CEP290: variants seen among roughly 807,000 people sequenced by gnomAD.
CEP290 encodes centrosomal protein of 290 kDa.
A neutral mutation model predicts 344.9 loss-of-function variants in CEP290; 317 were observed. The ratio of observed to expected loss-of-function variants is 0.92; its 90% CI spans 0.84 to 1.01. The LOEUF (loss-of-function observed/expected upper bound fraction) is 1.01, where lower values mean the gene tolerates loss of function less well. Among genes scored for constraint, CEP290 ranks in the 50% least tolerant of loss-of-function variants. The probability of loss-of-function intolerance (pLI) is 0.00; values close to 1 mark genes in which losing one functional copy is unlikely to be tolerated. For synonymous variants in CEP290, 932 were observed against 895.8 expected (o/e 1.04, Z -0.72); for missense variants, 2,754 against 2,761.4 (o/e 1.00, Z 0.06).
chr12:88,084,080 C>A (rs2036392055), intron 35 of CEP290, 126 bp from the exon 36 acceptor site: 1 of 636,908 alleles, frequency 1.6e-6, no homozygotes, highest in Non-Finnish European at 2.7e-6. Context: ...AACAGTATCT[C>A]CATATATGTA....
chr12:88,127,099 A>AGACTCCAAAATTAT (rs56870248), intron 11 of CEP290, among the ~76,000 whole-genome samples: 1 of 152,248 alleles, frequency 6.6e-6, no homozygotes, highest in African/African-American at 2.4e-5. Context: ...TCAATAAAAG[A>AGACTCCAAAATTAT]TGAAATAATC....
chr12:88,089,096 T>C lies in CEP290; in HGVS notation c.3965A>G (p.Glu1322Gly). 6.5e-7 allele frequency: 1 copy of C among 1,548,106 alleles called. No homozygotes were observed. The highest frequency in any genetic ancestry group is 8.7e-7 in the Non-Finnish European group (1 of 1,151,954). The part of the protein sequence containing the change: ...RNMENKTLEM[E>G]LKLKGLEELI... ...CTCTTCCAGGCCCTTTAATTTTAATTCCATCTCCAATGTTTTGTTCTCCAT... is the reference window on the plus strand; with the variant it reads ...CTCTTCCAGGCCCTTTAATTTTAATCCCATCTCCAATGTTTTGTTCTCCAT... The change falls in exon 31 of 54, where the codon GAA (glutamate) becomes GGA (glycine). Residue 1322 changes from glutamate (E) to glycine (G), a missense_variant. By Grantham distance (98) the Glu-to-Gly change is moderately conservative (BLOSUM62 -2). Coordinates refer to ENST00000552810, the MANE Select transcript of CEP290 (RefSeq NM_025114.4).
chr12:88,125,798 T>C (rs944141694), intron 12 of CEP290, among the ~76,000 whole-genome samples: 1 of 152,108 alleles, frequency 6.6e-6, no homozygotes, highest in Admixed American at 6.6e-5. Context: ...TTATTCAGCA[T>C]ACACTTTTCA....
intron 48 of CEP290, 149 bp downstream of exon 48, chr12:88,059,749 T>G (rs1184944617): frequency 3.2e-6 from 2 of 626,494 alleles, no homozygotes; most frequent in East Asian, 6.4e-5. Flanking sequence ...CATGGTGGAA[T>G]GTGATGACAG....
intron 25 of CEP290, chr12:88,104,162 A>T (rs148331238): frequency 1.3e-5 from 2 of 152,224 alleles, no homozygotes; most frequent in African/African-American, 4.8e-5. Context: ...TTTATTAAAG[A>T]ATTTCTTGAT....
intron 16 of CEP290, 24 bp downstream of exon 16, chr12:88,118,619 T>C (rs1361022507): frequency 1.9e-6 from 3 of 1,611,082 alleles, no homozygotes; most frequent in Non-Finnish European, 8.5e-7. Flanking sequence ...GCCAAGAAAA[T>C]AATCAACTGA....
rs965522059 is a variant in CEP290, at chr12:88,125,370, C to T, written c.1066-1G>A. The T allele has an allele frequency of 1.6e-5, 20 of 1,270,726 alleles. No individual in the cohort carries two copies. The highest frequency in any genetic ancestry group is 2.0e-5 in the Non-Finnish European group (20 of 984,540). 78.7% of individuals were successfully genotyped at this position (1,270,726 alleles called of 1,614,324 possible). ...TTTGACTGTCTCGTTCCTGTATACC[C>T]TATAAAATATTTTAAAACAATATAT... On this transcript the variant is annotated splice_acceptor_variant, in intron 12 of 53. Coordinates refer to ENST00000552810, the MANE Select transcript of CEP290 (RefSeq NM_025114.4). LOFTEE classifies it high-confidence loss of function.
At chr12:88,075,989 G>A (rs896307669) in intron 41 of CEP290, among the ~76,000 whole-genome samples, 3 of 152,092 alleles carry the variant, frequency 2.0e-5, no homozygotes, top group African/African-American at 7.2e-5. Context: ...TAAATAAACT[G>A]TAGCATAGAA....
chr12:88,088,003 C>T lies in CEP290; in HGVS notation c.4030-59G>A, dbSNP rs186105924. 2.9e-3 allele frequency: 1,851 copies of T among 644,572 alleles called. 2 individuals are homozygous for T. The highest frequency in any genetic ancestry group is 3.7e-3 in the Non-Finnish European group (1,626 of 439,348). The allele number at this position is 644,572 out of a possible 1,614,324, so 39.9% of individuals were successfully genotyped here. A position where few individuals can be genotyped will look rare whatever the true frequency, so the allele number is the denominator to read the frequency against. On this transcript the variant is annotated intron_variant, in intron 31 of 53. Coordinates refer to ENST00000552810, the MANE Select transcript of CEP290 (RefSeq NM_025114.4). ...TGCTATATTAACAAATAACATTCCT[C>T]CATTGATGATAATGATTTTAATTGA... is the stretch of plus-strand genomic sequence containing the variant.
chr12:88,140,560 T>G (rs1472657344), intron 3 of CEP290, among the ~76,000 whole-genome samples: 4 of 152,210 alleles, frequency 2.6e-5, no homozygotes, highest in Non-Finnish European at 5.9e-5. Flanking sequence ...ATTCCCTTAC[T>G]ATCTTACCAC....
In CEP290 at chr12:88,049,145, T is replaced by TAATA. The variant is rs762289521; in HGVS notation, c.*35_*38dup. 2 of 1,231,592 alleles carry TAATA rather than the reference T, an allele frequency of 1.6e-6. No individual in the cohort carries two copies. Among genetic ancestry groups the TAATA allele is most frequent in the African/African-American group, 3.1e-5 (2 of 64,730 alleles). 76.3% of individuals were successfully genotyped at this position (1,231,592 alleles called of 1,614,324 possible). A position where few individuals can be genotyped will look rare whatever the true frequency, so the allele number is the denominator to read the frequency against. ...TCCAAGTATATTTAACTTATAAAGT[T>TAATA]AATAAATAGTTAAATGAAACAAAGT... On this transcript the variant is annotated 3_prime_UTR_variant, in exon 54 of 54. Coordinates refer to ENST00000552810, the MANE Select transcript of CEP290 (RefSeq NM_025114.4).
chr12:88,119,371 T>C (rs1453438501), intron 15 of CEP290, among the ~76,000 whole-genome samples: 2 of 152,126 alleles, frequency 1.3e-5, no homozygotes, highest in Non-Finnish European at 2.9e-5. Context: ...ATTAGTAATA[T>C]TAACTAATAG....
intron 6 of CEP290, among the ~76,000 whole-genome samples, chr12:88,133,133 T>C (rs1019680391): frequency 3.3e-5 from 5 of 149,792 alleles, no homozygotes; most frequent in Non-Finnish European, 7.4e-5. Context: ...TAGAGTCCAG[T>C]GGTGCGATCT....
chr12:88,140,242 C>T (rs867169130), intron 3 of CEP290, among the ~76,000 whole-genome samples: 2 of 152,054 alleles, frequency 1.3e-5, no homozygotes, highest in South Asian at 2.1e-4. Context: ...GTTTAAACTC[C>T]GCTATAATGT....
chr12:88,053,474 G>A (rs1383553859), intron 52 of CEP290, among the ~76,000 whole-genome samples, 178 bp downstream of exon 52: 3 of 148,986 alleles, frequency 2.0e-5, no homozygotes, highest in African/African-American at 7.4e-5. Flanking sequence ...ACAACACAAA[G>A]AGAAAAATGG....
At position 88,120,118 on chromosome 12, in the gene CEP290, A is replaced by G; in HGVS notation, c.1518T>C (p.Arg506=). 6.5e-7 allele frequency: 1 copy of G among 1,529,454 alleles called. No homozygotes were observed. The highest frequency in any genetic ancestry group is 1.4e-5 in the African/African-American group (1 of 72,500). The allele number at this position is 1,529,454 out of a possible 1,614,324, so 94.7% of individuals were successfully genotyped here. Residue 506 remains arginine (R), a synonymous_variant, in exon 15 of 54, where the codon CGT becomes CGC. Coordinates refer to ENST00000552810, the MANE Select transcript of CEP290 (RefSeq NM_025114.4). Reference sequence around the variant, plus strand: ...GTAACTTAAAACATGGCTTACCCACACGCTCTCTAAGTGCCTCATTTTCAT... The same window carrying G: ...GTAACTTAAAACATGGCTTACCCACGCGCTCTCTAAGTGCCTCATTTTCAT... ...FLDENEALRE[R]VGLEPKTMID... is the part of the protein sequence containing the mutation.
chr12:88,123,750 C>T (rs536280810), intron 13 of CEP290, among the ~76,000 whole-genome samples: 1 of 152,194 alleles, frequency 6.6e-6, no homozygotes, highest in African/African-American at 2.4e-5. Flanking sequence ...AGATTGTTGT[C>T]CTAAACCTTA....
chr12:88,100,808 G>A (rs937555948), intron 26 of CEP290, among the ~76,000 whole-genome samples: 2 of 152,078 alleles, frequency 1.3e-5, no homozygotes, highest in African/African-American at 4.8e-5. Context: ...TTTTGAAACA[G>A]GAATAGAAAT....
chr12:88,090,709 G>A lies in CEP290; in HGVS notation c.3573+19C>T. On this transcript the variant is annotated intron_variant, in intron 30 of 53. Transcript: ENST00000552810. The stretch of plus-strand genomic sequence containing the variant: ...GGAAAAAAGTGGATTCTATGTAGAA[G>A]AGCCAATACTGCACATACCTGATAG... 1.5e-6 allele frequency: 2 copies of A among 1,378,638 alleles called. No individual in the cohort carries two copies. The highest frequency in any genetic ancestry group is 1.4e-5 in the African/African-American group (1 of 69,818). 85.4% of individuals were successfully genotyped at this position (1,378,638 alleles called of 1,614,324 possible). A position where few individuals can be genotyped will look rare whatever the true frequency, so the allele number is the denominator to read the frequency against.
Sources: gnomAD v4.1 joint callset for allele counts (sites outside exome capture counted in the v4.1 genomes callset) on GRCh38, gnomAD v4.1.1 for gene constraint, MANE v1.5 for transcripts, NCBI Gene and HGNC (gene_info 2026-07-23, HGNC 2026-07-21) for gene names.